Variants in CNTNAP2 observed in about 807,000 individuals in gnomAD.
CNTNAP2 encodes the protein contactin-associated protein-like 2.
Under a neutral mutation model 155.2 loss-of-function variants are expected in CNTNAP2, and 98 were observed. The observed-to-expected ratio is 0.63, with a 90% CI of 0.54 to 0.75. CNTNAP2 has a LOEUF of 0.75. CNTNAP2 is among the 30% of genes least tolerant of loss of function. CNTNAP2 has a pLI of 0.00. For synonymous variants in CNTNAP2, 651 were observed against 631.2 expected (o/e 1.03, Z -0.47); for missense variants, 1,727 against 1,688.1 (o/e 1.02, Z -0.40).
At chr7:146,268,290 T>C (rs1251566528) in intron 1 of CNTNAP2, among the ~76,000 whole-genome samples, 1 of 152,180 alleles carries the variant, frequency 6.6e-6, no homozygotes, top group Non-Finnish European at 1.5e-5. Flanking sequence ...TATAAGGTGG[T>C]GCTGAATCTT....
At chr7:148,415,142 T>TCATGGTTCCTTTCC (rs1799950927) in intron 23 of CNTNAP2, among the ~76,000 whole-genome samples, 1 of 152,150 alleles carries the variant, frequency 6.6e-6, no homozygotes, top group Non-Finnish European at 1.5e-5. Context: ...GGTTCCTTTC[T>TCATGGTTCCTTTCC]GCCTGTTTTC....
intron 13 of CNTNAP2, among the ~76,000 whole-genome samples, chr7:147,782,123 A>G (rs1797670465): frequency 6.6e-6 from 1 of 152,162 alleles, no homozygotes; most frequent in Admixed American, 6.5e-5. Context: ...CGTGTCTAAT[A>G]CCCAATCAGA....
chr7:147,279,231 C>T (rs1804972641), intron 8 of CNTNAP2, among the ~76,000 whole-genome samples: 1 of 151,302 alleles, frequency 6.6e-6, no homozygotes, highest in African/African-American at 2.4e-5. Context: ...TTATTTCTTC[C>T]AGTTAAAAAT....
rs11437566 is a variant in CNTNAP2 at position 147,339,694 on chromosome 7, AT to A, written c.1498+39412del. Among the ~76,000 whole-genome samples the A allele has an allele frequency of 4.7e-4, 72 of 151,910 alleles. 1 individual carries two copies. Among genetic ancestry groups the A allele is most frequent in the African/African-American group, 1.6e-3 (68 of 41,452 alleles). ...AAATCTGAGTTTAATCAAAGCAAGA[AT>A]TTTTTTTCCTTCAGAATGTAATAAT... On this transcript the variant is annotated intron_variant, in intron 9 of 23. Transcript: ENST00000361727.
At chr7:147,589,463 C>T (rs774272716) in intron 12 of CNTNAP2, among the ~76,000 whole-genome samples, 5 of 152,182 alleles carry the variant, frequency 3.3e-5, no homozygotes, top group Admixed American at 6.6e-5. Context: ...TGGTCCTTCT[C>T]ATTCCCCTTT....
At position 148,405,420 on chromosome 7, in the gene CNTNAP2, ATTTTTTTTT is replaced by A. The variant is rs36020816; in HGVS notation, c.3716-3953_3716-3945del. 4.8e-3 allele frequency among the ~76,000 whole-genome samples: 309 copies of A among 64,312 alleles called. 4 individuals are homozygous for A. The highest frequency in any genetic ancestry group is 0.023 in the African/African-American group (297 of 12,658). 42.2% of individuals were successfully genotyped at this position (64,312 alleles called of 152,430 possible). A position where few individuals can be genotyped will look rare whatever the true frequency, so the allele number is the denominator to read the frequency against. ...TCAAGGGAACCAGATTACCATTGTA[ATTTTTTTTT>A]TTTTTTTTTTTTTTTTTGAGACGGA... On this transcript the variant is annotated intron_variant, in intron 22 of 23. Coordinates refer to ENST00000361727, the MANE Select transcript of CNTNAP2 (RefSeq NM_014141.6).
intron 15 of CNTNAP2, among the ~76,000 whole-genome samples, chr7:148,040,676 A>G (rs1270731945): frequency 1.3e-5 from 2 of 152,252 alleles, no homozygotes; most frequent in Non-Finnish European, 2.9e-5. Flanking sequence ...ATTCATTTGT[A>G]TATTCATTCA....
intron 1 of CNTNAP2, among the ~76,000 whole-genome samples, chr7:146,342,673 T>C (rs1794749491): frequency 6.6e-6 from 1 of 152,188 alleles, no homozygotes; most frequent in Admixed American, 6.5e-5. Flanking sequence ...ATCTATGTAA[T>C]AAAGACGTGT....
intron 18 of CNTNAP2, among the ~76,000 whole-genome samples, chr7:148,179,420 T>C (rs1447957882): frequency 6.6e-6 from 1 of 151,826 alleles, no homozygotes; most frequent in South Asian, 2.1e-4. Flanking sequence ...GATGGGAGGA[T>C]TGCTTGAGCT....
Position 148,415,801 on chromosome 7 carries a change from T to A in CNTNAP2, c.*185T>A. On this transcript the variant is annotated 3_prime_UTR_variant, in exon 24 of 24. Coordinates refer to ENST00000361727, the MANE Select transcript of CNTNAP2 (RefSeq NM_014141.6). ...ATCACAAAAAAAAAAACCTTTTTAATATTTCTTTATAGCTGAGTTTTCCCT... is the reference window on the plus strand; with the variant it reads ...ATCACAAAAAAAAAAACCTTTTTAAAATTTCTTTATAGCTGAGTTTTCCCT... 1 of 662,574 alleles carries A rather than the reference T, an allele frequency of 1.5e-6. No individual in the cohort carries two copies. The highest frequency in any genetic ancestry group is 2.5e-6 in the Non-Finnish European group (1 of 394,424). The allele number at this position is 662,574 out of a possible 1,614,324, so 41.0% of individuals were successfully genotyped here. A position where few individuals can be genotyped will look rare whatever the true frequency, so the allele number is the denominator to read the frequency against.
intron 9 of CNTNAP2, among the ~76,000 whole-genome samples, chr7:147,350,921 T>C (rs920663257): frequency 1.3e-4 from 19 of 151,946 alleles, no homozygotes; most frequent in Admixed American, 1.1e-3. Flanking sequence ...CTTTTAACTT[T>C]AGAAAACCCT....
chr7:147,669,428 T>A (rs1032201392), intron 13 of CNTNAP2, among the ~76,000 whole-genome samples: 5 of 152,198 alleles, frequency 3.3e-5, no homozygotes, highest in South Asian at 2.1e-4. Flanking sequence ...TTAAAATAAG[T>A]CCCAAAGTGG....
chr7:147,930,984 G>A (rs967869208), intron 14 of CNTNAP2, among the ~76,000 whole-genome samples: 1 of 152,076 alleles, frequency 6.6e-6, no homozygotes, highest in African/African-American at 2.4e-5. Flanking sequence ...ATTAGAAAAT[G>A]TCTCACGACA....
chr7:147,269,684 GATTT>G (rs1282135353), intron 8 of CNTNAP2, among the ~76,000 whole-genome samples: 1 of 152,150 alleles, frequency 6.6e-6, no homozygotes, highest in African/African-American at 2.4e-5. Context: ...TTTGAGCTGA[GATTT>G]ATGTATGGAT....
intron 1 of CNTNAP2, among the ~76,000 whole-genome samples, chr7:146,233,914 T>C (rs975290202): frequency 2.3e-4 from 34 of 150,642 alleles, no homozygotes; most frequent in African/African-American, 4.9e-4. Context: ...TGAATAGTGC[T>C]GCAATAAACA....
chr7:147,694,696 G>A (rs1796137452), intron 13 of CNTNAP2, among the ~76,000 whole-genome samples: 1 of 152,108 alleles, frequency 6.6e-6, no homozygotes, highest in Non-Finnish European at 1.5e-5. Flanking sequence ...ATTTCTGCTA[G>A]TAGTAGTTGA....
intron 13 of CNTNAP2, among the ~76,000 whole-genome samples, chr7:147,741,099 T>G (rs1034686733): frequency 2.0e-5 from 3 of 152,150 alleles, no homozygotes; most frequent in Non-Finnish European, 2.9e-5. Context: ...ATATCACAGA[T>G]GATGGCCATT....
intron 9 of CNTNAP2, among the ~76,000 whole-genome samples, chr7:147,331,033 C>T (rs1366612948): frequency 2.0e-5 from 3 of 152,150 alleles, no homozygotes; most frequent in African/African-American, 7.2e-5. Context: ...GAGTAAACTG[C>T]TCATACAACT....
chr7:146,680,156 A>T (rs1365235653), intron 1 of CNTNAP2, among the ~76,000 whole-genome samples: 3 of 152,174 alleles, frequency 2.0e-5, no homozygotes, highest in Non-Finnish European at 4.4e-5. Context: ...CACTTTATAC[A>T]TGAGGACTTA....
Sources: gnomAD v4.1 joint callset for allele counts (sites outside exome capture counted in the v4.1 genomes callset) on GRCh38, gnomAD v4.1.1 for gene constraint, MANE v1.5 for transcripts, NCBI Gene and HGNC (gene_info 2026-07-23, HGNC 2026-07-21) for gene names.